ADCYAP1R1: variants seen among roughly 807,000 people sequenced by gnomAD.
The protein encoded by ADCYAP1R1 is ADCYAP receptor type I.
ADCYAP1R1 carries 44 observed loss-of-function variants against 67.6 expected under a neutral mutation model. That is an observed-to-expected ratio of 0.65 (90% CI 0.51 to 0.84). The LOEUF is 0.84. ADCYAP1R1 is among the 40% of genes least tolerant of loss of function. The pLI is 0.00. For missense variants in ADCYAP1R1, 477 were observed against 587.9 expected (o/e 0.81, Z 1.95); for synonymous variants, 222 against 219.6 (o/e 1.01, Z -0.10).
chr7:31,095,646 G>T, intron 13 of ADCYAP1R1: 1 of 717,708 alleles, frequency 1.4e-6, no homozygotes. Flanking sequence ...CAGCTCTCCG[G>T]TTTTTTCCTC....
chr7:31,054,969 CTGA>C lies in ADCYAP1R1; in HGVS notation c.-72+2292_-72+2294del, dbSNP rs1367736109. On this transcript the variant is annotated intron_variant, in intron 1 of 15. Transcript: ENST00000304166. ...GAGGAGAGGAATCTGATTCCAGGGTCTGAATGAGTTGGGCTTAGTGGTCCAGCC... is the reference window on the plus strand; with the variant it reads ...GAGGAGAGGAATCTGATTCCAGGGTCATGAGTTGGGCTTAGTGGTCCAGCC... Among the ~76,000 whole-genome samples the C allele has an allele frequency of 7.2e-5, 11 of 152,324 alleles. No individual in the cohort carries two copies. In the East Asian group the frequency reaches 1.9e-3, roughly 27 times the overall value.
At chr7:31,064,408 G>T (rs1794643230) in intron 2 of ADCYAP1R1, among the ~76,000 whole-genome samples, 1 of 152,160 alleles carries the variant, frequency 6.6e-6, no homozygotes, top group South Asian at 2.1e-4. Flanking sequence ...ATGACTTTGA[G>T]CAAGTGACTT....
At chr7:31,057,973 G>T (rs1431866089) in intron 1 of ADCYAP1R1, among the ~76,000 whole-genome samples, 6 of 152,220 alleles carry the variant, frequency 3.9e-5, no homozygotes. Context: ...CCAGCCCCAT[G>T]ATGGGCAGAT....
chr7:31,095,818 C>T lies in ADCYAP1R1; in HGVS notation c.1046+3083C>T. 8.6e-6 allele frequency: 6 copies of T among 701,484 alleles called. 1 individual carries two copies. The South Asian group carries it at 9.2e-5, about 11-fold the overall frequency. 43.5% of individuals were successfully genotyped at this position (701,484 alleles called of 1,614,324 possible). A position where few individuals can be genotyped will look rare whatever the true frequency, so the allele number is the denominator to read the frequency against. On this transcript the variant is annotated intron_variant, in intron 13 of 15. Coordinates refer to ENST00000304166, the MANE Select transcript of ADCYAP1R1 (RefSeq NM_001118.5). ...CATAGACCAAGACGGTATTCCTGGCCCAGCCTCAGAAGCACCTGATGGGGT... is the reference window on the plus strand; with the variant it reads ...CATAGACCAAGACGGTATTCCTGGCTCAGCCTCAGAAGCACCTGATGGGGT...
intron 3 of ADCYAP1R1, among the ~76,000 whole-genome samples, chr7:31,066,482 C>G (rs996250267): frequency 1.3e-5 from 2 of 152,114 alleles, no homozygotes; most frequent in Non-Finnish European, 2.9e-5. Context: ...GCTGGAAATA[C>G]AGCATCCCTG....
At chr7:31,071,525 G>A (rs560215413) in intron 3 of ADCYAP1R1, among the ~76,000 whole-genome samples, 2 of 152,242 alleles carry the variant, frequency 1.3e-5, no homozygotes, top group East Asian at 3.9e-4. Context: ...AGGGGAGGAC[G>A]GGAACTTGGC....
intron 9 of ADCYAP1R1, 97 bp downstream of exon 9, chr7:31,085,539 C>A (rs1320430447): frequency 2.7e-5 from 37 of 1,391,240 alleles, no homozygotes; most frequent in Non-Finnish European, 3.4e-5. Context: ...TGACACCCTG[C>A]AGATCAAGTG....
intron 13 of ADCYAP1R1, 142 bp downstream of exon 13, chr7:31,092,877 C>A: frequency 6.5e-6 from 4 of 619,368 alleles, no homozygotes; most frequent in South Asian, 2.2e-5. Context: ...GATTAAAGAG[C>A]CTTTAATATA....
At chr7:31,058,810 T>TA (rs1794370665) in intron 1 of ADCYAP1R1, among the ~76,000 whole-genome samples, 1 of 152,102 alleles carries the variant, frequency 6.6e-6, no homozygotes, top group Non-Finnish European at 1.5e-5. Flanking sequence ...AGTGGAAGCA[T>TA]AGGGATGGAG....
At chr7:31,100,017 G>A in intron 13 of ADCYAP1R1, 1 of 1,050,608 alleles carries the variant, frequency 9.5e-7, no homozygotes, top group Non-Finnish European at 1.4e-6. Context: ...CCACATGACT[G>A]CCCTGGCCCT....
intron 1 of ADCYAP1R1, among the ~76,000 whole-genome samples, chr7:31,055,904 C>G (rs1794219147): frequency 6.6e-6 from 1 of 152,150 alleles, no homozygotes; most frequent in Admixed American, 6.5e-5. Flanking sequence ...CCCAGATTGG[C>G]CTCTGCTTTG....
In ADCYAP1R1 at chr7:31,086,959, T is replaced by C; in HGVS notation, c.840T>C (p.Cys280=). The C allele has an allele frequency of 6.2e-7, 1 of 1,614,168 alleles. No individual in the cohort carries two copies. The highest frequency in any genetic ancestry group is 8.5e-7 in the Non-Finnish European group (1 of 1,180,040). Residue 280 remains cysteine (C), a synonymous_variant, in exon 11 of 16, where the codon TGT becomes TGC. Transcript: ENST00000304166. The surrounding 1 kb of genome is among the most constrained non-coding windows in gnomAD (Gnocchi z 5.0). Reference sequence around the variant, plus strand: ...TTCTCCCAGGGACCCCAACTGTGTGTGTGACAGTGTGGGCTACGCTGAGAC... The same window carrying C: ...TTCTCCCAGGGACCCCAACTGTGTGCGTGACAGTGTGGGCTACGCTGAGAC... The part of the protein sequence containing the change: ...TIIGWGTPTV[C]VTVWATLRLY...
intron 1 of ADCYAP1R1, among the ~76,000 whole-genome samples, chr7:31,058,224 G>A (rs1794338512): frequency 6.6e-6 from 1 of 152,210 alleles, no homozygotes; most frequent in Non-Finnish European, 1.5e-5. Flanking sequence ...GCTTTGGACA[G>A]TACAGGGATG....
chr7:31,077,762 T>C (rs1430773975), intron 3 of ADCYAP1R1, among the ~76,000 whole-genome samples: 1 of 148,742 alleles, frequency 6.7e-6, no homozygotes, highest in Non-Finnish European at 1.5e-5. Context: ...GTGGTGTCTG[T>C]GATGTATGTG....
At chr7:31,071,378 G>A (rs1794972360) in intron 3 of ADCYAP1R1, among the ~76,000 whole-genome samples, 1 of 152,152 alleles carries the variant, frequency 6.6e-6, no homozygotes, top group Non-Finnish European at 1.5e-5. Flanking sequence ...ACCCACCCCT[G>A]GGCCTGAATT....
At chr7:31,082,870 C>A (rs1795567756) in intron 6 of ADCYAP1R1, among the ~76,000 whole-genome samples, 1 of 152,238 alleles carries the variant, frequency 6.6e-6, no homozygotes, top group Admixed American at 6.5e-5. Flanking sequence ...CCAGGAAGTT[C>A]ATTTCTGACT....
At chr7:31,097,869 G>A (rs1241196827) in intron 13 of ADCYAP1R1, among the ~76,000 whole-genome samples, 1 of 152,082 alleles carries the variant, frequency 6.6e-6, no homozygotes, top group East Asian at 1.9e-4. Flanking sequence ...CAAGGTTGAG[G>A]GGTCACTGGC....
Position 31,086,516 on chromosome 7 carries a change from T to C in ADCYAP1R1, c.802T>C (p.Trp268Arg). The C allele has an allele frequency of 6.2e-7, 1 of 1,614,256 alleles. No homozygotes were observed. The highest frequency in any genetic ancestry group is 8.5e-7 in the Non-Finnish European group (1 of 1,180,038). The change falls in exon 10 of 16, where the codon TGG becomes CGG. Residue 268 changes from tryptophan to arginine, a missense_variant. Trp to Arg is a moderately radical substitution (Grantham distance 101). Transcript: ENST00000304166. This position sits in a 1 kb window ranked among gnomAD's most constrained non-coding sequence, Gnocchi z 5.0. Reference sequence around the variant, plus strand: ...CTTCCCTGAAAGGAGATACTTCTACTGGTACACCATCATTGGCTGGGGTAG... The same window carrying C: ...CTTCCCTGAAAGGAGATACTTCTACCGGTACACCATCATTGGCTGGGGTAG... ...TFFPERRYFY[W>R]YTIIGWGTPT...
rs1416560407 is a variant in ADCYAP1R1 at position 31,109,076 on chromosome 7, T to C, written c.*2392T>C. On this transcript the variant is annotated 3_prime_UTR_variant, in exon 16 of 16. Transcript: ENST00000304166. The stretch of plus-strand genomic sequence containing the variant: ...TGTGGAAGAAGAAACTTTGGCATTA[T>C]AGAGACATCATCACAAAACAGTAAA... 2 of 152,354 alleles carry C rather than the reference T, an allele frequency of 1.3e-5. No individual in the cohort carries two copies. Among genetic ancestry groups the C allele is most frequent in the Middle Eastern group, 3.4e-3 (1 of 294 alleles). 9.4% of individuals were successfully genotyped at this position (152,354 alleles called of 1,614,324 possible). A position where few individuals can be genotyped will look rare whatever the true frequency, so the allele number is the denominator to read the frequency against.
Sources: allele counts gnomAD v4.1 joint callset (sites outside exome capture counted in the v4.1 genomes callset), GRCh38; gene constraint gnomAD v4.1.1; non-coding constraint Gnocchi (gnomAD v3.1); transcripts MANE v1.5; gene names NCBI Gene and HGNC (gene_info 2026-07-23, HGNC 2026-07-21).